COMMD10: variants seen among roughly 807,000 people sequenced by gnomAD.
COMMD10 encodes COMM domain containing 10.
A neutral mutation model predicts 28.9 loss-of-function variants in COMMD10; 33 were observed. The ratio of observed to expected loss-of-function variants is 1.14; its 90% CI spans 0.87 to 1.53. COMMD10 has a LOEUF of 1.53. Ranked by LOEUF, COMMD10 falls within the 40% of genes most tolerant of loss-of-function variation. The probability of loss-of-function intolerance (pLI) is 0.00; values close to 1 mark genes in which losing one functional copy is unlikely to be tolerated. For synonymous variants in COMMD10, 110 were observed against 81.7 expected (o/e 1.35, Z -1.87); for missense variants, 310 against 233.4 (o/e 1.33, Z -2.14).
At chr5:116,218,176 C>T (rs1259462690) in intron 5 of COMMD10, 3 of 834,898 alleles carry the variant, frequency 3.6e-6, no homozygotes, top group African/African-American at 3.3e-5. Flanking sequence ...CCTTTTTAGG[C>T]CTGGGCTCTG....
At chr5:116,268,439 A>T (rs1313995543) in intron 5 of COMMD10, among the ~76,000 whole-genome samples, 19 of 151,964 alleles carry the variant, frequency 1.3e-4, no homozygotes, top group Non-Finnish European at 2.8e-4. Context: ...ATCATTAAAA[A>T]GTCAGGAAAC....
At chr5:116,276,528 G>A (rs961485652) in intron 5 of COMMD10, among the ~76,000 whole-genome samples, 3 of 151,758 alleles carry the variant, frequency 2.0e-5, no homozygotes, top group Admixed American at 6.6e-5. Context: ...GAGCCACCAT[G>A]CCCAGCCGTA....
intron 5 of COMMD10, among the ~76,000 whole-genome samples, chr5:116,187,765 T>C (rs1308036973): frequency 2.6e-5 from 4 of 152,168 alleles, no homozygotes; most frequent in Admixed American, 2.6e-4. Context: ...CAAACATTAT[T>C]ATAAATAAAA....
intron 5 of COMMD10, among the ~76,000 whole-genome samples, chr5:116,227,569 G>A (rs914240188): frequency 3.3e-5 from 5 of 151,940 alleles, no homozygotes; most frequent in South Asian, 4.1e-4. Context: ...GTAATAACCC[G>A]TCCACTATTA....
chr5:116,267,800 C>A (rs1750633231), intron 5 of COMMD10, among the ~76,000 whole-genome samples: 1 of 151,844 alleles, frequency 6.6e-6, no homozygotes, highest in Non-Finnish European at 1.5e-5. Flanking sequence ...TACCACACAT[C>A]TACAACCATC....
At chr5:116,258,960 C>A (rs749918669) in intron 5 of COMMD10, among the ~76,000 whole-genome samples, 2 of 151,574 alleles carry the variant, frequency 1.3e-5, no homozygotes, top group African/African-American at 4.9e-5. Context: ...GATCTATCCT[C>A]CTTTTCTCTT....
At chr5:116,127,463 A>G (rs1751696736) in intron 4 of COMMD10, among the ~76,000 whole-genome samples, 1 of 152,214 alleles carries the variant, frequency 6.6e-6, no homozygotes, top group Non-Finnish European at 1.5e-5. Flanking sequence ...GCTGCTATAA[A>G]GACACATGCA....
rs999279715 is a variant in COMMD10 at position 116,278,628 on chromosome 5, A to G, written c.511-12889A>G. Among the ~76,000 whole-genome samples, 33 of 152,014 alleles carry G rather than the reference A, an allele frequency of 2.2e-4. No homozygotes were observed. In the South Asian group the frequency reaches 4.1e-3, roughly 19 times the overall value. ...ATTAAACATTTCATGAAAATATTTC[A>G]TGCGCTCTCTTATACGATTTTTATA... On this transcript the variant is annotated intron_variant, in intron 5 of 6. Transcript: ENST00000274458.
intron 3 of COMMD10, 79 bp downstream of exon 3, chr5:116,091,268 G>T: frequency 1.8e-5 from 11 of 622,642 alleles, no homozygotes; most frequent in East Asian, 1.6e-4. Context: ...ATGACATTCT[G>T]TTTTTTTTAA....
chr5:116,145,088 C>T (rs1022324366), intron 5 of COMMD10, among the ~76,000 whole-genome samples: 1 of 151,738 alleles, frequency 6.6e-6, no homozygotes, highest in Non-Finnish European at 1.5e-5. Context: ...GAGAAAGTTG[C>T]AATGATCTGA....
intron 5 of COMMD10, among the ~76,000 whole-genome samples, chr5:116,239,998 G>C (rs1014852969): frequency 1.3e-5 from 2 of 152,136 alleles, no homozygotes; most frequent in Admixed American, 1.3e-4. Flanking sequence ...TAGAAGAGTT[G>C]AGGTGTCATA....
intron 5 of COMMD10, among the ~76,000 whole-genome samples, chr5:116,218,610 T>A (rs1302303944): frequency 6.6e-6 from 1 of 152,208 alleles, no homozygotes; most frequent in East Asian, 1.9e-4. Context: ...GTATATGGGG[T>A]AGTGGTAAGA....
At chr5:116,187,344 A>T (rs550222473) in intron 5 of COMMD10, among the ~76,000 whole-genome samples, 1 of 152,284 alleles carries the variant, frequency 6.6e-6, no homozygotes, top group East Asian at 1.9e-4. Flanking sequence ...TGTTTTGTGA[A>T]TTTTATTTAT....
chr5:116,249,888 A>G (rs1351335668), intron 5 of COMMD10, among the ~76,000 whole-genome samples: 2 of 151,958 alleles, frequency 1.3e-5, no homozygotes, highest in Non-Finnish European at 2.9e-5. Context: ...AATAAAGTCA[A>G]CATAATGATT....
chr5:116,274,865 C>G (rs1455291308), intron 5 of COMMD10, among the ~76,000 whole-genome samples: 2 of 151,796 alleles, frequency 1.3e-5, no homozygotes, highest in African/African-American at 2.4e-5. Context: ...TACTATAGCT[C>G]TAATTTCTGT....
intron 5 of COMMD10, among the ~76,000 whole-genome samples, chr5:116,169,903 G>A (rs1753263558): frequency 6.6e-6 from 1 of 152,226 alleles, no homozygotes; most frequent in African/African-American, 2.4e-5. Context: ...GCAAAAGCTG[G>A]AAGTATTTTC....
Position 116,145,711 on chromosome 5 carries a change from C to G in COMMD10, c.510+11533C>G, listed in dbSNP as rs376234179. ...AGAGACCAGGTGGAGGTAGTTGAAT[C>G]ATGAGGGTGGTTCCCCCATGCTGTT... On this transcript the variant is annotated intron_variant, in intron 5 of 6. Coordinates refer to ENST00000274458, the MANE Select transcript of COMMD10 (RefSeq NM_016144.4). Among the ~76,000 whole-genome samples, 14 of 151,962 alleles carry G rather than the reference C, an allele frequency of 9.2e-5. No individual in the cohort carries two copies. In the East Asian group the frequency reaches 1.9e-3, roughly 21 times the overall value.
chr5:116,246,971 A>G (rs1012026170), intron 5 of COMMD10, among the ~76,000 whole-genome samples: 1 of 152,148 alleles, frequency 6.6e-6, no homozygotes, highest in Non-Finnish European at 1.5e-5. Context: ...GCAAAAATTG[A>G]TAAATGCGAT....
At chr5:116,290,294 T>TA (rs1362265759) in intron 5 of COMMD10, among the ~76,000 whole-genome samples, 1 of 151,928 alleles carries the variant, frequency 6.6e-6, no homozygotes, top group African/African-American at 2.4e-5. Context: ...TAATATAGTA[T>TA]AAAAACTTCA....
Sources: allele counts gnomAD v4.1 joint callset (sites outside exome capture counted in the v4.1 genomes callset), GRCh38; gene constraint gnomAD v4.1.1; transcripts MANE v1.5; gene names NCBI Gene and HGNC (gene_info 2026-07-23, HGNC 2026-07-21).